TAF1: variants seen among roughly 807,000 people sequenced by gnomAD.
The protein encoded by TAF1 is TATA-box binding protein associated factor 1.
In TAF1, 2 loss-of-function variants were observed where a neutral mutation model predicts 138.5. That is an observed-to-expected ratio of 0.01 (90% CI 0.01 to 0.05). The LOEUF is 0.05. Ranked by LOEUF, TAF1 falls within the 10% of genes least tolerant of loss-of-function variation. The pLI is 1.00. For missense variants in TAF1, 709 were observed against 1,478.0 expected (o/e 0.48, Z 8.53); for synonymous variants, 437 against 503.2 (o/e 0.87, Z 1.76).
intron 32 of TAF1, among the ~76,000 whole-genome samples, chrX:71,453,113 A>G (rs1271724983): frequency 1.8e-5 from 2 of 110,139 alleles, no homozygotes; most frequent in Non-Finnish European, 3.8e-5. Context: ...AGGGAGAGGG[A>G]GAGGGAGAGG....
intron 25 of TAF1, among the ~76,000 whole-genome samples, chrX:71,404,014 C>T (rs1309518638): frequency 9.2e-6 from 1 of 108,507 alleles, no homozygotes. Flanking sequence ...TCCTCCTTTG[C>T]CCAGGCTGGA....
chrX:71,422,331 T>C (rs779317607), intron 29 of TAF1, among the ~76,000 whole-genome samples: 118 of 108,452 alleles, frequency 1.1e-3, no homozygotes, highest in African/African-American at 3.7e-3. Flanking sequence ...AATTTTTTTT[T>C]TTTTTTTTTG....
At chrX:71,372,469 G>T (rs1440220898) in intron 3 of TAF1, among the ~76,000 whole-genome samples, 1 of 103,606 alleles carries the variant, frequency 9.7e-6, no homozygotes, top group Admixed American at 1.1e-4. Context: ...GATAGCTAGG[G>T]TCAAACTTAG....
rs750243958 is a variant in TAF1, at chrX:71,420,368, A to G, written c.4385-941A>G. The G allele has an allele frequency of 8.3e-6, 10 of 1,202,451 alleles. No individual in the cohort carries two copies. The Admixed American group carries it at 2.2e-4, about 26-fold the overall frequency. On this transcript the variant is annotated intron_variant, in intron 28 of 37. Coordinates refer to ENST00000423759, the MANE Select transcript of TAF1 (RefSeq NM_004606.5). The stretch of plus-strand genomic sequence containing the variant: ...ACTCTATATATGCAAACCCTTTGGA[A>G]TGGCCACTAAATTTGTCACAGAGTA...
At chrX:71,429,853 G>A (rs1052469115) in intron 32 of TAF1, among the ~76,000 whole-genome samples, 1 of 110,811 alleles carries the variant, frequency 9.0e-6, no homozygotes, top group Non-Finnish European at 1.9e-5. Flanking sequence ...ACGGGTAAAG[G>A]ATAGAGATTT....
At chrX:71,528,656 TC>T (rs967504283) in exon 14 of TAF1, 33 of 329,680 alleles carry the variant, frequency 1.0e-4, no homozygotes, top group African/African-American at 8.0e-4. Context: ...AACATCTGTG[TC>T]CGGAGTTGGT....
chrX:71,374,951 G>A (rs1052510728), intron 3 of TAF1, among the ~76,000 whole-genome samples: 1 of 108,804 alleles, frequency 9.2e-6, no homozygotes, highest in Non-Finnish European at 1.9e-5. Context: ...TGGGCGTGGT[G>A]GCACATTCCT....
Position 71,464,372 on chromosome X carries a change from T to C in TAF1, c.*326T>C. On this transcript the variant is annotated 3_prime_UTR_variant, in exon 38 of 38. Coordinates refer to ENST00000423759, the MANE Select transcript of TAF1 (RefSeq NM_004606.5). ...TTTTTCCCTGGGGAAGGAGGGGAAA[T>C]TATGAAAGAACTAGTAACTTTATGT... 1 of 380,915 alleles carries C rather than the reference T, an allele frequency of 2.6e-6. No homozygotes were observed. Among genetic ancestry groups the C allele is most frequent in the South Asian group, 6.3e-5 (1 of 15,977 alleles). The allele number at this position is 380,915 out of a possible 1,213,427, so 31.4% of individuals were successfully genotyped here.
Position 71,424,768 on chromosome X carries a change from G to A in TAF1, c.4753+530G>A, listed in dbSNP as rs370058723. ...GCCTCCTGAGTAGCTGGGATTGCAGGTGCCTGCCACCATGCCCAGCTAATT... is the reference window on the plus strand; with the variant it reads ...GCCTCCTGAGTAGCTGGGATTGCAGATGCCTGCCACCATGCCCAGCTAATT... On this transcript the variant is annotated intron_variant, in intron 32 of 37. Coordinates refer to ENST00000423759, the MANE Select transcript of TAF1 (RefSeq NM_004606.5). 7.2e-5 allele frequency among the ~76,000 whole-genome samples: 8 copies of A among 111,365 alleles called. No homozygotes were observed. In the East Asian group the frequency reaches 1.4e-3, roughly 20 times the overall value.
chrX:71,452,917 C>T (rs1384315025), intron 32 of TAF1, among the ~76,000 whole-genome samples: 1 of 112,244 alleles, frequency 8.9e-6, no homozygotes, highest in African/African-American at 3.2e-5. Context: ...GAAAACCAGT[C>T]AGGCGTGGTG....
chrX:71,444,963 C>T (rs1244173762), intron 32 of TAF1, among the ~76,000 whole-genome samples: 1 of 109,637 alleles, frequency 9.1e-6, no homozygotes, highest in Non-Finnish European at 1.9e-5. Context: ...CTCCTGACCT[C>T]GTGATCTGCC....
chrX:71,468,591 C>T (rs1402981567), downstream of TAF1, among the ~76,000 whole-genome samples: 1 of 105,783 alleles, frequency 9.5e-6, no homozygotes, highest in African/African-American at 3.5e-5. Context: ...GAGGCTGAGG[C>T]AGGAGAATCG....
chrX:71,404,296 C>T (rs1164487162), intron 25 of TAF1, among the ~76,000 whole-genome samples: 1 of 111,033 alleles, frequency 9.0e-6, no homozygotes, highest in Non-Finnish European at 1.9e-5. Flanking sequence ...GTTAAAAGCT[C>T]TCTTTCAAAT....
intron 32 of TAF1, among the ~76,000 whole-genome samples, chrX:71,447,344 TCTC>T (rs1214339027): frequency 9.0e-6 from 1 of 110,770 alleles, no homozygotes; most frequent in African/African-American, 3.3e-5. Context: ...AATCCCCTCT[TCTC>T]CTTGGTGCCC....
At chrX:71,503,277 A>AAAAAAATATATATATATGTGTAT (rs1569408229) in intron 13 of TAF1, among the ~76,000 whole-genome samples, 1 of 90,169 alleles carries the variant, frequency 1.1e-5, no homozygotes, top group African/African-American at 4.5e-5. Flanking sequence ...TCAAAAAAAA[A>AAAAAAATATATATATATGTGTAT]ATATATATAT....
intron 24 of TAF1, among the ~76,000 whole-genome samples, chrX:71,399,567 C>CTTTTTTTT (rs35622645): frequency 3.5e-5 from 1 of 28,942 alleles, no homozygotes; most frequent in Non-Finnish European, 5.7e-5. Context: ...GTTATTTATT[C>CTTTTTTTT]TTTTTTTTTT....
chrX:71,423,255 G>T lies in TAF1; in HGVS notation c.4575+16G>T, dbSNP rs2148606636. 8.3e-7 allele frequency: 1 copy of T among 1,210,387 alleles called. No homozygotes were observed. The highest frequency in any genetic ancestry group is 3.0e-5 in the East Asian group (1 of 33,769). ...AGTTCCAGATGTAAGCTGTCTCTGTGCCAAATACTGTGAGGATCGTGCAGG... is the reference window on the plus strand; with the variant it reads ...AGTTCCAGATGTAAGCTGTCTCTGTTCCAAATACTGTGAGGATCGTGCAGG... On this transcript the variant is annotated intron_variant, in intron 30 of 37. Transcript: ENST00000423759.
At chrX:71,461,346 A>G (rs1482989456) in intron 37 of TAF1, among the ~76,000 whole-genome samples, 1 of 111,653 alleles carries the variant, frequency 9.0e-6, no homozygotes, top group Non-Finnish European at 1.9e-5. Context: ...TTTAAAAGGC[A>G]TGCTAAGACC....
At chrX:71,428,170 C>T (rs192013420) in intron 32 of TAF1, among the ~76,000 whole-genome samples, 1,694 of 107,053 alleles carry the variant, frequency 0.016, 29 homozygotes, top group African/African-American at 0.056. Context: ...CTCCCGCCAC[C>T]GTGCCTGGCT....
Sources: allele counts gnomAD v4.1 joint callset (sites outside exome capture counted in the v4.1 genomes callset), GRCh38; gene constraint gnomAD v4.1.1; transcripts MANE v1.5; gene names NCBI Gene and HGNC (gene_info 2026-07-23, HGNC 2026-07-21).